Variants in CLVS1 observed in about 807,000 individuals in gnomAD.
CLVS1 encodes the protein clavesin 1, also known as clavesin-1.
A neutral mutation model predicts 33.1 loss-of-function variants in CLVS1; 10 were observed. That is an observed-to-expected ratio of 0.30 (90% CI 0.19 to 0.51). The LOEUF is 0.51. CLVS1 is among the 20% of genes least tolerant of loss of function. The probability of loss-of-function intolerance (pLI) is 0.97; values close to 1 mark genes in which losing one functional copy is unlikely to be tolerated. For missense variants in CLVS1, 343 were observed against 433.4 expected (o/e 0.79, Z 1.85); for synonymous variants, 163 against 166.1 (o/e 0.98, Z 0.14).
At chr8:61,475,336 G>A (rs563403929) in intron 5 of CLVS1, among the ~76,000 whole-genome samples, 1 of 152,324 alleles carries the variant, frequency 6.6e-6, no homozygotes, top group East Asian at 1.9e-4. Flanking sequence ...GGGTCAAATG[G>A]TATTTCTAGT....
At chr8:61,122,361 T>C (rs1805888222) in intron 1 of CLVS1, among the ~76,000 whole-genome samples, 1 of 152,188 alleles carries the variant, frequency 6.6e-6, no homozygotes, top group African/African-American at 2.4e-5. Flanking sequence ...AGCCTCATAC[T>C]CAGGATCCTT....
intron 2 of CLVS1, among the ~76,000 whole-genome samples, chr8:61,192,624 A>G (rs1467551760): frequency 6.6e-6 from 1 of 152,228 alleles, no homozygotes; most frequent in Non-Finnish European, 1.5e-5. Context: ...TGCTCATCTG[A>G]CAAAGGGCTA....
chr8:61,269,799 C>T (rs1290324669), intron 2 of CLVS1, among the ~76,000 whole-genome samples: 1 of 150,514 alleles, frequency 6.6e-6, no homozygotes, highest in East Asian at 1.9e-4. Context: ...GGAGTTCACT[C>T]ATGATTTGGC....
At chr8:61,136,132 A>G (rs1806187461) in intron 2 of CLVS1, among the ~76,000 whole-genome samples, 1 of 152,230 alleles carries the variant, frequency 6.6e-6, no homozygotes, top group Non-Finnish European at 1.5e-5. Context: ...AATGACTGTG[A>G]TGTACACTAA....
chr8:61,293,114 G>A (rs1038221913), intron 1 of CLVS1, among the ~76,000 whole-genome samples: 1 of 152,164 alleles, frequency 6.6e-6, no homozygotes, highest in Admixed American at 6.5e-5. Flanking sequence ...TACACAATGA[G>A]TATTTATGTG....
intron 5 of CLVS1, among the ~76,000 whole-genome samples, chr8:61,480,001 G>T (rs1369726613): frequency 6.6e-6 from 1 of 152,176 alleles, no homozygotes; most frequent in Non-Finnish European, 1.5e-5. Flanking sequence ...CTACTGGAGG[G>T]TGCCTCCCCG....
At chr8:61,152,238 T>C (rs144478126) in intron 2 of CLVS1, among the ~76,000 whole-genome samples, 2,640 of 152,322 alleles carry the variant, frequency 0.017, 32 homozygotes, top group African/African-American at 0.027. Flanking sequence ...TGCTTTCTTG[T>C]TATGTCTTCA....
At chr8:61,162,596 G>C (rs972207304) in intron 2 of CLVS1, among the ~76,000 whole-genome samples, 5 of 152,202 alleles carry the variant, frequency 3.3e-5, no homozygotes, top group African/African-American at 1.2e-4. Flanking sequence ...TAGATTAATA[G>C]GGGAAAAGCA....
At chr8:61,044,266 C>T in the CLVS1 span, among the ~76,000 whole-genome samples, 46 of 152,270 alleles carry the variant, frequency 3.0e-4, no homozygotes, top group East Asian at 4.4e-3. Flanking sequence ...ACACTATCTG[C>T]GGCAGAGTGC....
At chr8:61,291,993 G>A (rs143989117) in intron 1 of CLVS1, 112 of 178,930 alleles carry the variant, frequency 6.3e-4, no homozygotes, top group African/African-American at 2.2e-3. Context: ...AATTGCCTGG[G>A]GATTCTGTTA....
At chr8:61,070,838 G>A (rs1158639752) in intron 1 of CLVS1, among the ~76,000 whole-genome samples, 1 of 152,234 alleles carries the variant, frequency 6.6e-6, no homozygotes, top group Non-Finnish European at 1.5e-5. Context: ...GTGAGACCCT[G>A]TGTCTCTAAC....
intron 1 of CLVS1, among the ~76,000 whole-genome samples, chr8:61,077,963 G>A (rs1361169451): frequency 6.6e-6 from 1 of 152,202 alleles, no homozygotes; most frequent in South Asian, 2.1e-4. Flanking sequence ...TCTTGAGATA[G>A]ACTGAGCTGG....
At chr8:61,066,409 G>C (rs984551139) in intron 1 of CLVS1, among the ~76,000 whole-genome samples, 2 of 152,140 alleles carry the variant, frequency 1.3e-5, no homozygotes, top group Non-Finnish European at 2.9e-5. Context: ...GAGGTGGGAG[G>C]ATTGCTTGAG....
intron 3 of CLVS1, among the ~76,000 whole-genome samples, chr8:61,379,349 C>A (rs1038771331): frequency 7.2e-5 from 11 of 152,044 alleles, no homozygotes; most frequent in African/African-American, 2.7e-4. Flanking sequence ...GAATTTTGGG[C>A]CTTGGGTTAT....
At chr8:61,461,523 A>T (rs1817365255) in intron 5 of CLVS1, among the ~76,000 whole-genome samples, 1 of 152,160 alleles carries the variant, frequency 6.6e-6, no homozygotes, top group Non-Finnish European at 1.5e-5. Context: ...CTCCATGCAT[A>T]ATTTTTTATA....
At chr8:61,198,664 G>A (rs1807666431) in intron 2 of CLVS1, among the ~76,000 whole-genome samples, 1 of 152,190 alleles carries the variant, frequency 6.6e-6, no homozygotes, top group South Asian at 2.1e-4. Flanking sequence ...ACAGGCGTGA[G>A]CCACTTATCT....
chr8:61,080,460 G>A (rs1308328793), intron 1 of CLVS1, among the ~76,000 whole-genome samples: 2 of 152,062 alleles, frequency 1.3e-5, no homozygotes, highest in South Asian at 2.1e-4. Context: ...AACAATAAAG[G>A]GCGATTTTAA....
At chr8:61,087,410 C>G (rs1805147020) in intron 1 of CLVS1, among the ~76,000 whole-genome samples, 1 of 152,172 alleles carries the variant, frequency 6.6e-6, no homozygotes. Flanking sequence ...CCAGTAAGCT[C>G]AAAATCAGCT....
intron 5 of CLVS1, among the ~76,000 whole-genome samples, chr8:61,479,965 C>A (rs1182459695): frequency 6.6e-6 from 1 of 152,144 alleles, no homozygotes; most frequent in East Asian, 1.9e-4. Flanking sequence ...GAGGAGTACC[C>A]GGCCGTGTGA....
Sources: gnomAD v4.1 joint callset for allele counts (sites outside exome capture counted in the v4.1 genomes callset) on GRCh38, gnomAD v4.1.1 for gene constraint, MANE v1.5 for transcripts, NCBI Gene and HGNC (gene_info 2026-07-23, HGNC 2026-07-21) for gene names.